PCBP3: variants seen among roughly 807,000 people sequenced by gnomAD.
PCBP3 encodes poly(rC) binding protein 3, also known as poly(rC)-binding protein 3.
In PCBP3, 25 loss-of-function variants were observed where a neutral mutation model predicts 52.7. The ratio of observed to expected loss-of-function variants is 0.47; its 90% CI spans 0.35 to 0.66. The LOEUF (loss-of-function observed/expected upper bound fraction) is 0.66. Ranked by LOEUF, PCBP3 falls within the 30% of genes least tolerant of loss-of-function variation. The pLI, the probability that PCBP3 is intolerant of heterozygous loss-of-function variation, is 0.01. For missense variants in PCBP3, 391 were observed against 490.3 expected, an observed-to-expected ratio of 0.80 and a Z score of 1.91; for synonymous variants, 162 against 183.0, an observed-to-expected ratio of 0.89 and a Z score of 0.93.
chr21:45,784,353 C>CCTCTAT (rs2090887436), intron 4 of PCBP3, among the ~76,000 whole-genome samples: 1 of 136,522 alleles, frequency 7.3e-6, no homozygotes, highest in Admixed American at 7.3e-5. Context: ...TCTACCTCTA[C>CCTCTAT]CTCTACCTCT....
At chr21:45,845,588 G>A (rs1379019612) in intron 4 of PCBP3, among the ~76,000 whole-genome samples, 1 of 151,474 alleles carries the variant, frequency 6.6e-6, no homozygotes, top group Admixed American at 6.6e-5. Flanking sequence ...ACGTGTGAGT[G>A]TGTGCCTTTG....
Position 45,901,077 on chromosome 21 carries a change from C to T in PCBP3, c.303C>T (p.Phe101=). Reference sequence around the variant, plus strand: ...TCACAGGCCCCACAGACGCCATCTTCAAGGCCTTTGCCATGATCGCATACA... The same window carrying T: ...TCACAGGCCCCACAGACGCCATCTTTAAGGCCTTTGCCATGATCGCATACA... ...VTITGPTDAI[F]KAFAMIAYKF... is the part of the protein sequence containing the mutation. Residue 101 remains phenylalanine, a synonymous_variant, in exon 9 of 18, where the codon TTC becomes TTT. Transcript: ENST00000681687. 7 of 1,613,906 alleles carry T rather than the reference C, an allele frequency of 4.3e-6. No individual in the cohort carries two copies. Among genetic ancestry groups the T allele is most frequent in the Non-Finnish European group, 5.9e-6 (7 of 1,179,794 alleles).
At chr21:45,855,375 C>T (rs181624100) in intron 5 of PCBP3, among the ~76,000 whole-genome samples, 7 of 152,248 alleles carry the variant, frequency 4.6e-5, no homozygotes, top group Non-Finnish European at 7.4e-5. Flanking sequence ...TACACACATC[C>T]GCCCTCAAAC....
intron 5 of PCBP3, among the ~76,000 whole-genome samples, chr21:45,854,614 T>C (rs1391382414): frequency 6.6e-6 from 1 of 152,262 alleles, no homozygotes; most frequent in Non-Finnish European, 1.5e-5. Context: ...AGCTGACCGA[T>C]ATCCTGTTGT....
intron 2 of PCBP3, among the ~76,000 whole-genome samples, chr21:45,706,444 C>T (rs11702850): frequency 0.31 from 47,624 of 151,878 alleles, 8,827 homozygotes; most frequent in East Asian, 0.65. Flanking sequence ...TCCTTTCCCT[C>T]CCTCTGCTCT....
At chr21:45,650,244 T>G (rs893873769) in intron 1 of PCBP3, among the ~76,000 whole-genome samples, 3 of 152,056 alleles carry the variant, frequency 2.0e-5, no homozygotes, top group African/African-American at 7.2e-5. Context: ...GGACTGAGGT[T>G]GAAGGATCAC....
chr21:45,790,401 A>G (rs1020651400), intron 4 of PCBP3, among the ~76,000 whole-genome samples: 23 of 152,312 alleles, frequency 1.5e-4, no homozygotes, highest in African/African-American at 5.5e-4. Context: ...GAGGGCAGCC[A>G]AGGTGGGACG....
intron 14 of PCBP3, 51 bp downstream of exon 14, chr21:45,930,046 T>C (rs1245769015): frequency 1.5e-6 from 2 of 1,332,156 alleles, no homozygotes; most frequent in East Asian, 2.3e-5. Flanking sequence ...CTGGGGACTT[T>C]CTCTTTCTGA....
intron 2 of PCBP3, among the ~76,000 whole-genome samples, chr21:45,721,633 T>C (rs1191633117): frequency 6.6e-6 from 1 of 152,220 alleles, no homozygotes; most frequent in Non-Finnish European, 1.5e-5. Flanking sequence ...CTTATCTAAA[T>C]GTATTTGCTT....
intron 16 of PCBP3, 73 bp from the exon 17 acceptor site, chr21:45,939,957 G>T: frequency 7.1e-7 from 1 of 1,410,906 alleles, no homozygotes; most frequent in African/African-American, 1.4e-5. Flanking sequence ...CGGCCCCCTC[G>T]GGCGCACTGC....
intron 4 of PCBP3, among the ~76,000 whole-genome samples, chr21:45,808,765 A>G (rs1242196604): frequency 6.6e-6 from 1 of 152,200 alleles, no homozygotes; most frequent in Non-Finnish European, 1.5e-5. Context: ...CACTGTTCAC[A>G]ATAGCAAAGA....
At chr21:45,727,365 G>A (rs1039267105) in intron 2 of PCBP3, among the ~76,000 whole-genome samples, 8 of 152,192 alleles carry the variant, frequency 5.3e-5, no homozygotes, top group African/African-American at 1.7e-4. Context: ...GGATATCTGG[G>A]ATTTGTTTTA....
chr21:45,862,753 G>A (rs996610953), intron 5 of PCBP3, among the ~76,000 whole-genome samples: 9 of 152,188 alleles, frequency 5.9e-5, no homozygotes, highest in Admixed American at 2.0e-4. Context: ...GCCTGTCCCC[G>A]ACGAAACCGG....
chr21:45,733,262 A>G (rs937695171), intron 2 of PCBP3, among the ~76,000 whole-genome samples: 80 of 152,222 alleles, frequency 5.3e-4, no homozygotes, highest in African/African-American at 1.7e-3. Context: ...TACATATACA[A>G]TGTATTTATG....
chr21:45,909,676 G>GGGACCCAGCCCACCCACTGCCCAGATAC (rs1398422500), intron 10 of PCBP3, among the ~76,000 whole-genome samples, 190 bp downstream of exon 10: 5 of 151,430 alleles, frequency 3.3e-5, no homozygotes, highest in Admixed American at 2.0e-4. Flanking sequence ...CTGCACTGCA[G>GGGACCCAGCCCACCCACTGCCCAGATAC]GGACCCAGCC....
chr21:45,839,413 A>G lies in PCBP3; in HGVS notation c.-125-10548A>G, dbSNP rs116934066. ...AAATGTGTTTGACACTTACCACCAT[A>G]CCTTATGACAAAGCTTCTCCAATTA... On this transcript the variant is annotated intron_variant, in intron 4 of 17. Coordinates refer to ENST00000681687, the MANE Select transcript of PCBP3 (RefSeq NM_001384156.1). Among the ~76,000 whole-genome samples the G allele has an allele frequency of 1.2e-3, 180 of 152,264 alleles. 3 individuals carry two copies. In the East Asian group the frequency reaches 0.029, roughly 25 times the overall value.
intron 2 of PCBP3, among the ~76,000 whole-genome samples, chr21:45,694,277 T>C (rs2082644746): frequency 2.0e-5 from 3 of 152,134 alleles, no homozygotes. Flanking sequence ...AACACTCCAA[T>C]TAAAATTCTA....
chr21:45,647,072 A>C lies in PCBP3; in HGVS notation c.-279+3204A>C, dbSNP rs200756119. ...CCCACAGGTTAGCAGTAAAAAAAAA[A>C]CAAAAAAGATAGATGTCACTTGTGG... On this transcript the variant is annotated intron_variant, in intron 1 of 17. Transcript: ENST00000681687. Among the ~76,000 whole-genome samples, 22 of 149,900 alleles carry C rather than the reference A, an allele frequency of 1.5e-4. No individual in the cohort carries two copies. The South Asian group carries it at 3.0e-3, about 20-fold the overall frequency.
rs76120954 is a variant in PCBP3 at position 45,796,730 on chromosome 21, C to G, written c.-126+41278C>G. On this transcript the variant is annotated intron_variant, in intron 4 of 17. Coordinates refer to ENST00000681687, the MANE Select transcript of PCBP3 (RefSeq NM_001384156.1). ...ACAAATACTTGATTATGGTTTTTGTCTTTTTTGTTAGCATGTTTTTATGGT... is the reference window on the plus strand; with the variant it reads ...ACAAATACTTGATTATGGTTTTTGTGTTTTTTGTTAGCATGTTTTTATGGT... Among the ~76,000 whole-genome samples the G allele has an allele frequency of 7.6e-3, 1,161 of 151,978 alleles. 18 individuals are homozygous for G. The highest frequency in any genetic ancestry group is 0.026 in the African/African-American group (1,090 of 41,448).
Sources: gnomAD v4.1 joint callset for allele counts (sites outside exome capture counted in the v4.1 genomes callset) on GRCh38, gnomAD v4.1.1 for gene constraint, MANE v1.5 for transcripts, NCBI Gene and HGNC (gene_info 2026-07-23, HGNC 2026-07-21) for gene names.